Variants in RB1CC1 observed in about 807,000 individuals in gnomAD.
The protein encoded by RB1CC1 is RB1-inducible coiled-coil protein 1.
RB1CC1 carries 46 observed loss-of-function variants against 177.5 expected under a neutral mutation model. The observed-to-expected ratio is 0.26, with a 90% CI of 0.20 to 0.33. The LOEUF (loss-of-function observed/expected upper bound fraction) is 0.33. Ranked by LOEUF, RB1CC1 falls within the 10% of genes least tolerant of loss-of-function variation. RB1CC1 has a pLI of 1.00. For missense variants in RB1CC1, 1,703 were observed against 1,816.3 expected, an observed-to-expected ratio of 0.94 and a Z score of 1.13; for synonymous variants, 666 against 613.6, an observed-to-expected ratio of 1.09 and a Z score of -1.26.
intron 19 of RB1CC1, among the ~76,000 whole-genome samples, chr8:52,635,619 T>C (rs570445495): frequency 6.6e-6 from 1 of 152,298 alleles, no homozygotes; most frequent in South Asian, 2.1e-4. Flanking sequence ...TTACTTATTT[T>C]TGTTTTTGCC....
chr8:52,645,919 A>G (rs781191328), intron 15 of RB1CC1, 52 bp from the exon 16 acceptor site: 3 of 1,481,894 alleles, frequency 2.0e-6, no homozygotes, highest in Non-Finnish European at 2.7e-6. Flanking sequence ...AGACACACAA[A>G]TATACCAAAT....
chr8:52,703,588 G>A (rs1373837640), intron 1 of RB1CC1, among the ~76,000 whole-genome samples: 1 of 152,090 alleles, frequency 6.6e-6, no homozygotes, highest in South Asian at 2.1e-4. Flanking sequence ...ATATTCTGTC[G>A]TAAAGTCTTC....
chr8:52,636,175 T>C lies in RB1CC1; in HGVS notation c.4338-106A>G, dbSNP rs1334917639. 3 of 1,214,578 alleles carry C rather than the reference T, an allele frequency of 2.5e-6. No individual in the cohort carries two copies. In the East Asian group the frequency reaches 8.0e-5, roughly 32 times the overall value. 75.2% of individuals were successfully genotyped at this position (1,214,578 alleles called of 1,614,324 possible). A position where few individuals can be genotyped will look rare whatever the true frequency, so the allele number is the denominator to read the frequency against. ...ACAGATCACTTTAACAATTTAAGGG[T>C]TTTCATAAATTTTCAAAAGTAGCTT... is the stretch of plus-strand genomic sequence containing the variant. On this transcript the variant is annotated intron_variant, in intron 18 of 23. Transcript: ENST00000025008.
At chr8:52,626,607 A>G (rs1369509447) in intron 22 of RB1CC1, among the ~76,000 whole-genome samples, 1 of 152,218 alleles carries the variant, frequency 6.6e-6, no homozygotes, top group African/African-American at 2.4e-5. Context: ...AAGTTTAAAA[A>G]TCATATTCAA....
intron 1 of RB1CC1, among the ~76,000 whole-genome samples, chr8:52,699,821 A>AC (rs1855847185): frequency 1.0e-5 from 1 of 99,696 alleles, no homozygotes; most frequent in South Asian, 4.1e-4. Context: ...AAAAAAAAAA[A>AC]AAAAAAAAAA....
chr8:52,666,861 C>G (rs1381398067), intron 8 of RB1CC1, among the ~76,000 whole-genome samples: 1 of 151,934 alleles, frequency 6.6e-6, no homozygotes, highest in East Asian at 1.9e-4. Flanking sequence ...ATACAGGAAA[C>G]AAGTGTAAAT....
intron 22 of RB1CC1, among the ~76,000 whole-genome samples, chr8:52,626,196 A>G (rs1049664045): frequency 1.3e-5 from 2 of 152,212 alleles, no homozygotes; most frequent in Admixed American, 1.3e-4. Context: ...GCAACAACAC[A>G]GGGGTAGCAT....
At chr8:52,635,072 G>A (rs1020729190) in intron 19 of RB1CC1, 104 bp from the exon 20 acceptor site, 3 of 1,006,138 alleles carry the variant, frequency 3.0e-6, no homozygotes, top group East Asian at 2.6e-5. Context: ...TTTGGTTCGG[G>A]TATGAAAAGT....
chr8:52,668,839 T>C (rs891178314), intron 7 of RB1CC1, among the ~76,000 whole-genome samples: 2 of 152,220 alleles, frequency 1.3e-5, no homozygotes, highest in African/African-American at 4.8e-5. Flanking sequence ...CTTGAGGCTC[T>C]TCAACAGTTA....
intron 15 of RB1CC1, among the ~76,000 whole-genome samples, 158 bp from the exon 16 acceptor site, chr8:52,646,025 A>G (rs537101246): frequency 2.0e-5 from 3 of 152,332 alleles, no homozygotes; most frequent in Non-Finnish European, 2.9e-5. Flanking sequence ...GTAAAGGGAA[A>G]TAAGTAAAAG....
At position 52,676,543 on chromosome 8, in the gene RB1CC1, C is replaced by A. The variant is rs1353374264; in HGVS notation, c.398G>T (p.Cys133Phe). The A allele has an allele frequency of 6.2e-7, 1 of 1,605,868 alleles. No homozygotes were observed. The change falls in exon 6 of 24, where the codon TGT (cysteine) becomes TTT (phenylalanine). Residue 133 changes from cysteine to phenylalanine, a missense_variant. This residue lies in a region of RB1CC1 where 315 missense variants were observed against 304.9 expected (regional missense o/e 1.03). Transcript: ENST00000025008. Reference sequence around the variant, plus strand: ...ATGTACAAGACCTTCACAAAAAGAACAAAGTTTCTTGGCAACTTCATACAT... The same window carrying A: ...ATGTACAAGACCTTCACAAAAAGAAAAAAGTTTCTTGGCAACTTCATACAT... Reference protein sequence around the residue: ...LEMYEVAKKLCSFCEGLVHDE... With the variant: ...LEMYEVAKKLFSFCEGLVHDE...
chr8:52,695,591 A>C (rs1165443233), intron 1 of RB1CC1, among the ~76,000 whole-genome samples: 1 of 152,236 alleles, frequency 6.6e-6, no homozygotes, highest in African/African-American at 2.4e-5. Flanking sequence ...TCATGTGGAC[A>C]GTACAGGATC....
intron 21 of RB1CC1, among the ~76,000 whole-genome samples, chr8:52,629,587 T>C (rs1848621809): frequency 6.6e-6 from 1 of 152,138 alleles, no homozygotes; most frequent in Non-Finnish European, 1.5e-5. Flanking sequence ...TCCTCTTCCC[T>C]CTTAGAATTC....
chr8:52,665,450 A>G (rs1405217108), intron 8 of RB1CC1, among the ~76,000 whole-genome samples: 1 of 152,208 alleles, frequency 6.6e-6, no homozygotes. Flanking sequence ...CCATTATTGA[A>G]GATTGTGCCT....
intron 1 of RB1CC1, among the ~76,000 whole-genome samples, chr8:52,687,944 C>T (rs908248953): frequency 1.3e-5 from 2 of 152,196 alleles, no homozygotes; most frequent in Non-Finnish European, 2.9e-5. Context: ...CCAAACAGAG[C>T]GACCAGCTGG....
chr8:52,638,800 C>A (rs1849345091), intron 18 of RB1CC1, among the ~76,000 whole-genome samples: 1 of 151,984 alleles, frequency 6.6e-6, no homozygotes, highest in Admixed American at 6.6e-5. Flanking sequence ...ACCAATAGAT[C>A]AACAATGCCT....
chr8:52,683,503 G>T, intron 5 of RB1CC1, 46 bp downstream of exon 5: 1 of 1,465,720 alleles, frequency 6.8e-7, no homozygotes, highest in East Asian at 2.4e-5. Flanking sequence ...ATTTAGATCC[G>T]AATGCTTTTA....
intron 1 of RB1CC1, among the ~76,000 whole-genome samples, chr8:52,708,838 C>T (rs1563481784): frequency 1.3e-5 from 2 of 152,134 alleles, no homozygotes; most frequent in Admixed American, 6.6e-5. Context: ...GGTAGTAGCC[C>T]GTGACCCCTC....
intron 3 of RB1CC1, 58 bp downstream of exon 3, chr8:52,685,337 ATTTC>A: frequency 1.6e-6 from 2 of 1,254,358 alleles, no homozygotes; most frequent in Non-Finnish European, 1.1e-6. Context: ...GTAGAATAAT[ATTTC>A]TTTAACTTTC....
Sources: allele counts gnomAD v4.1 joint callset (sites outside exome capture counted in the v4.1 genomes callset), GRCh38; gene constraint gnomAD v4.1.1; regional missense constraint gnomAD v4.1.1; transcripts MANE v1.5; gene names NCBI Gene and HGNC (gene_info 2026-07-23, HGNC 2026-07-21).